Variants in PRKD2 observed in about 807,000 individuals in gnomAD.
PRKD2 encodes protein kinase D2, also known as serine/threonine-protein kinase D2.
A neutral mutation model predicts 86.0 loss-of-function variants in PRKD2; 22 were observed. The ratio of observed to expected loss-of-function variants is 0.26; its 90% CI spans 0.18 to 0.37. The LOEUF is 0.37. Ranked by LOEUF, PRKD2 falls within the 10% of genes least tolerant of loss-of-function variation. The probability of loss-of-function intolerance (pLI) is 1.00; values close to 1 mark genes in which losing one functional copy is unlikely to be tolerated. For missense variants in PRKD2, 818 were observed against 1,199.2 expected (o/e 0.68, Z 4.70); for synonymous variants, 509 against 510.9 (o/e 1.00, Z 0.05).
chr19:46,704,484 C>T lies in PRKD2; in HGVS notation c.666+11G>A. On this transcript the variant is annotated intron_variant, in intron 4 of 17. Coordinates refer to ENST00000291281, the MANE Select transcript of PRKD2 (RefSeq NM_016457.5). ...CTAGCCACCAACCCGTCCCATCCCC[C>T]ATCTCCTCACCAGCTCTTCAGCCGT... 1 of 1,614,154 alleles carries T rather than the reference C, an allele frequency of 6.2e-7. No homozygotes were observed. Among genetic ancestry groups the T allele is most frequent in the Non-Finnish European group, 8.5e-7 (1 of 1,180,030 alleles).
At position 46,678,352 on chromosome 19, in the gene PRKD2, A is replaced by G; in HGVS notation, c.2338+44T>C. On this transcript the variant is annotated intron_variant, in intron 16 of 17. Transcript: ENST00000291281. The surrounding 1 kb of genome is among the most constrained non-coding windows in gnomAD (Gnocchi z 5.7). ...TGGCTCCGCCCACTTCTCCAGCCCC[A>G]CCCCACAACCCACCCGCCCATGGGG... 1 of 1,599,612 alleles carries G rather than the reference A, an allele frequency of 6.3e-7. No individual in the cohort carries two copies. The highest frequency in any genetic ancestry group is 8.5e-7 in the Non-Finnish European group (1 of 1,174,762).
At chr19:46,705,524 C>T (rs2053702246) in intron 3 of PRKD2, among the ~76,000 whole-genome samples, 1 of 152,158 alleles carries the variant, frequency 6.6e-6, no homozygotes, top group Admixed American at 6.5e-5. Context: ...TGGTGGCTCA[C>T]GCCTGTAATC....
At chr19:46,705,144 C>T (rs574269477) in intron 3 of PRKD2, among the ~76,000 whole-genome samples, 3 of 151,814 alleles carry the variant, frequency 2.0e-5, no homozygotes, top group East Asian at 1.9e-4. Context: ...GCCCTGAACG[C>T]GCCTCACACC....
chr19:46,708,185 A>G (rs2053743957), intron 3 of PRKD2, among the ~76,000 whole-genome samples: 1 of 152,136 alleles, frequency 6.6e-6, no homozygotes, highest in African/African-American at 2.4e-5. Flanking sequence ...TGTCTCCCCC[A>G]AAATTCTTAT....
At chr19:46,703,202 G>A (rs1414241358) in intron 5 of PRKD2, among the ~76,000 whole-genome samples, 1 of 152,154 alleles carries the variant, frequency 6.6e-6, no homozygotes, top group Non-Finnish European at 1.5e-5. Flanking sequence ...CTAAAGTTCT[G>A]TTGTTATTTT....
At chr19:46,696,292 G>C (rs1019734859) in intron 9 of PRKD2, among the ~76,000 whole-genome samples, 1 of 152,070 alleles carries the variant, frequency 6.6e-6, no homozygotes, top group East Asian at 1.9e-4. Context: ...GGGGTTTGAC[G>C]GTTTTAATGA....
At position 46,716,304 on chromosome 19, in the gene PRKD2, G is replaced by T; in HGVS notation, c.67C>A (p.Pro23Thr). ...GSPGPGSPPP[P>T]GGLELQSPPP... ...GGCGACTGCAGCTCTAGGCCGCCGG[G>T]GGGCGGAGGAGACCCCGGCCCGGGA... Residue 23 changes from proline to threonine, a missense_variant, in exon 1 of 18, where the codon CCC becomes ACC. Transcript: ENST00000291281. This position sits in a 1 kb window ranked among gnomAD's most constrained non-coding sequence, Gnocchi z 7.9. 1.3e-6 allele frequency: 2 copies of T among 1,528,652 alleles called. No homozygotes were observed. Among genetic ancestry groups the T allele is most frequent in the Non-Finnish European group, 1.8e-6 (2 of 1,140,136 alleles). The allele number at this position is 1,528,652 out of a possible 1,614,324, so 94.7% of individuals were successfully genotyped here.
Position 46,693,389 on chromosome 19 carries a change from C to T in PRKD2, c.1576+486G>A, listed in dbSNP as rs138814219. On this transcript the variant is annotated intron_variant, in intron 10 of 17. Coordinates refer to ENST00000291281, the MANE Select transcript of PRKD2 (RefSeq NM_016457.5). The surrounding 1 kb of genome is among the most constrained non-coding windows in gnomAD (Gnocchi z 4.5). ...GGCTCATGGAGGGGAAGTGATATGC[C>T]CAGGGCCACATATCAGGCCAGGAGC... is the stretch of plus-strand genomic sequence containing the variant. 9.6e-3 allele frequency among the ~76,000 whole-genome samples: 1,462 copies of T among 152,278 alleles called. 22 individuals carry two copies. The highest frequency in any genetic ancestry group is 0.033 in the African/African-American group (1,385 of 41,546).
Position 46,697,241 on chromosome 19 carries a change from A to G in PRKD2, c.1240-7T>C, listed in dbSNP as rs1310547277. On this transcript the variant is annotated splice_region_variant and splice_polypyrimidine_tract_variant and intron_variant, in intron 8 of 17. Coordinates refer to ENST00000291281, the MANE Select transcript of PRKD2 (RefSeq NM_016457.5). ...GCCAATAGTGCCGCTTTCTCTGCAG[A>G]GATGTTTGAAGAGTCACGTGAACCG... The G allele has an allele frequency of 6.4e-7, 1 of 1,572,604 alleles. No individual in the cohort carries two copies. The highest frequency in any genetic ancestry group is 1.1e-5 in the South Asian group (1 of 90,026).
At chr19:46,702,764 T>C (rs947327507) in intron 5 of PRKD2, among the ~76,000 whole-genome samples, 3 of 151,516 alleles carry the variant, frequency 2.0e-5, no homozygotes, top group African/African-American at 7.3e-5. Context: ...CATGGCTCAC[T>C]GCAGCCTCAA....
Position 46,681,768 on chromosome 19 carries a change from C to A in PRKD2, c.1972-20G>T. Reference sequence around the variant, plus strand: ...CAGGATCTGAGGGGAGCAGATGGGCCCAGTAAGAAAGGTAGATAGGTACTC... The same window carrying A: ...CAGGATCTGAGGGGAGCAGATGGGCACAGTAAGAAAGGTAGATAGGTACTC... On this transcript the variant is annotated intron_variant, in intron 14 of 17. Coordinates refer to ENST00000291281, the MANE Select transcript of PRKD2 (RefSeq NM_016457.5). 1 of 1,547,368 alleles carries A rather than the reference C, an allele frequency of 6.5e-7. No homozygotes were observed. Among genetic ancestry groups the A allele is most frequent in the South Asian group, 1.1e-5 (1 of 89,596 alleles).
intron 15 of PRKD2, among the ~76,000 whole-genome samples, chr19:46,680,944 A>ATT (rs1460783932): frequency 9.8e-4 from 42 of 43,072 alleles, no homozygotes; most frequent in African/African-American, 2.4e-3. Context: ...ATATATATAT[A>ATT]TATTTTTTTT....
intron 15 of PRKD2, among the ~76,000 whole-genome samples, chr19:46,679,654 T>A (rs2053266148): frequency 6.6e-6 from 1 of 152,152 alleles, no homozygotes; most frequent in Non-Finnish European, 1.5e-5. Context: ...AGACGGAGTC[T>A]CGCTCTGTCG....
intron 9 of PRKD2, among the ~76,000 whole-genome samples, chr19:46,695,536 G>C (rs1357573761): frequency 6.6e-6 from 1 of 152,194 alleles, no homozygotes; most frequent in Non-Finnish European, 1.5e-5. Context: ...AGGGCTTTGC[G>C]GGCCACAAGG....
At chr19:46,698,703 C>CCCAA (rs755376944) in intron 7 of PRKD2, among the ~76,000 whole-genome samples, 2 of 152,182 alleles carry the variant, frequency 1.3e-5, no homozygotes, top group Non-Finnish European at 2.9e-5. Context: ...TGCCTGTAAT[C>CCCAA]CCAACACTTT....
intron 1 of PRKD2, among the ~76,000 whole-genome samples, chr19:46,715,578 A>G (rs1393813615): frequency 6.6e-6 from 1 of 152,204 alleles, no homozygotes; most frequent in Non-Finnish European, 1.5e-5. Flanking sequence ...GGCTAACAGC[A>G]CTGTGACTAG....
At chr19:46,679,510 C>T (rs926004627) in intron 15 of PRKD2, among the ~76,000 whole-genome samples, 1 of 152,186 alleles carries the variant, frequency 6.6e-6, no homozygotes, top group Non-Finnish European at 1.5e-5. Context: ...ATTTTGTCAT[C>T]TGTATTGGGG....
chr19:46,682,715 T>G (rs1247741973), intron 14 of PRKD2, among the ~76,000 whole-genome samples: 2 of 149,316 alleles, frequency 1.3e-5, no homozygotes, highest in Non-Finnish European at 3.0e-5. Context: ...TTTTTTTTTT[T>G]TTTTTTTTGA....
intron 10 of PRKD2, 66 bp from the exon 11 acceptor site, chr19:46,692,051 C>T (rs2053491696): frequency 1.3e-6 from 2 of 1,520,392 alleles, no homozygotes; most frequent in African/African-American, 2.7e-5. Flanking sequence ...CCCATACCTG[C>T]AAAAGCAGAC....
Sources: gnomAD v4.1 joint callset for allele counts (sites outside exome capture counted in the v4.1 genomes callset) on GRCh38, gnomAD v4.1.1 for gene constraint, Gnocchi (gnomAD v3.1) non-coding constraint, MANE v1.5 for transcripts, NCBI Gene and HGNC (gene_info 2026-07-23, HGNC 2026-07-21) for gene names.